The following IGSF11 variants were observed in gnomAD, a reference collection of about 807,000 sequenced individuals.
IGSF11 encodes the protein CXADR like 1.
A neutral mutation model predicts 41.0 loss-of-function variants in IGSF11; 22 were observed. The observed-to-expected ratio is 0.54, with a 90% CI of 0.38 to 0.77. The LOEUF (loss-of-function observed/expected upper bound fraction) is 0.77, where lower values mean the gene tolerates loss of function less well. Ranked by LOEUF, IGSF11 falls within the 30% of genes least tolerant of loss-of-function variation. The probability of loss-of-function intolerance (pLI) is 0.00; values close to 1 mark genes in which losing one functional copy is unlikely to be tolerated. For synonymous variants in IGSF11, 219 were observed against 201.3 expected, an observed-to-expected ratio of 1.09 and a Z score of -0.74; for missense variants, 444 against 530.8, an observed-to-expected ratio of 0.84 and a Z score of 1.61.
rs187176842 is a variant in IGSF11 at position 119,034,549 on chromosome 3, G to A, written c.34C>T (p.Leu12=). ...TSQRSPLAPL[L]LLSLHGVAAS... ...TACTCACCGTGCAGAGAGAGGAGCA[G>A]CAAAGGCGCCAGAGGGGAACGCTGA... is the stretch of plus-strand genomic sequence containing the variant. Residue 12 remains leucine (L), a synonymous_variant, in exon 1 of 7, where the codon CTG becomes TTG. Coordinates refer to ENST00000393775, the MANE Select transcript of IGSF11 (RefSeq NM_001015887.3). 3.8e-6 allele frequency: 6 copies of A among 1,593,216 alleles called. No individual in the cohort carries two copies. The highest frequency in any genetic ancestry group is 3.5e-4 in the Middle Eastern group (2 of 5,640).
At chr3:119,106,543 T>G (rs975974677), upstream of IGSF11, among the ~76,000 whole-genome samples, 2 of 152,212 alleles carry the variant, frequency 1.3e-5, no homozygotes, top group African/African-American at 2.4e-5. Flanking sequence ...ACTTCATTCT[T>G]TTTTATGGCT....
intron 1 of IGSF11, among the ~76,000 whole-genome samples, chr3:118,942,298 C>A (rs781619833): frequency 6.6e-6 from 1 of 152,142 alleles, no homozygotes; most frequent in Non-Finnish European, 1.5e-5. Flanking sequence ...TCCCTGTCAC[C>A]AAACCCCAAA....
intron 1 of IGSF11, among the ~76,000 whole-genome samples, chr3:119,041,437 C>G (rs7644949): frequency 0.17 from 26,011 of 151,924 alleles, 2,671 homozygotes; most frequent in South Asian, 0.29. Flanking sequence ...CAAAAATTAG[C>G]CAGATGTGGT....
At chr3:119,121,188 A>T (rs1237193335) in intron 1 of IGSF11, among the ~76,000 whole-genome samples, 1 of 152,220 alleles carries the variant, frequency 6.6e-6, no homozygotes, top group African/African-American at 2.4e-5. Context: ...TATCACATGT[A>T]CATTGAAAAA....
chr3:118,932,426 G>T (rs1942936081), intron 1 of IGSF11, among the ~76,000 whole-genome samples: 1 of 152,196 alleles, frequency 6.6e-6, no homozygotes, highest in Non-Finnish European at 1.5e-5. Flanking sequence ...AGAACGTCAT[G>T]TTCTTCACGT....
chr3:119,138,160 A>C (rs1207920321), intron 1 of IGSF11, among the ~76,000 whole-genome samples: 1 of 1,008 alleles, frequency 9.9e-4, no homozygotes, highest in South Asian at 0.1. Context: ...TTCCTCAACA[A>C]AAAAAAAAAA....
intron 1 of IGSF11, among the ~76,000 whole-genome samples, chr3:119,021,120 A>G (rs1332940601): frequency 6.6e-6 from 1 of 152,224 alleles, no homozygotes; most frequent in Non-Finnish European, 1.5e-5. Flanking sequence ...TGACCTCCCA[A>G]AAACCATCTT....
intron 4 of IGSF11, among the ~76,000 whole-genome samples, chr3:118,920,835 T>G (rs1251415346): frequency 1.3e-5 from 2 of 152,178 alleles, no homozygotes; most frequent in African/African-American, 4.8e-5. Context: ...ACAATTATAA[T>G]GCTTCCTATG....
In IGSF11 at chr3:118,965,346, T is replaced by C. The variant is rs755565941; in HGVS notation, c.53-35071A>G. On this transcript the variant is annotated intron_variant, in intron 1 of 6. Transcript: ENST00000393775. ...CTAAATGTGTGAGCTATAAGGAGTA[T>C]AAAAAATAAAGGGAGGGAAAAGTAA... 3.3e-5 allele frequency among the ~76,000 whole-genome samples: 5 copies of C among 151,808 alleles called. No individual in the cohort carries two copies. The South Asian group carries it at 6.2e-4, about 19-fold the overall frequency.
chr3:119,019,311 A>G (rs973859497), intron 1 of IGSF11, among the ~76,000 whole-genome samples: 1 of 150,836 alleles, frequency 6.6e-6, no homozygotes, highest in Non-Finnish European at 1.5e-5. Context: ...GCATATGCAA[A>G]GAAACAGAGT....
At chr3:119,120,143 A>G (rs1159138809) in intron 1 of IGSF11, among the ~76,000 whole-genome samples, 2 of 152,224 alleles carry the variant, frequency 1.3e-5, no homozygotes, top group Non-Finnish European at 2.9e-5. Flanking sequence ...GATATCTCAC[A>G]CAGAACCCTT....
At chr3:119,094,224 A>T (rs532002624) in intron 1 of IGSF11, among the ~76,000 whole-genome samples, 19 of 18,874 alleles carry the variant, frequency 1.0e-3, no homozygotes, top group Non-Finnish European at 1.8e-3. Context: ...ATAGCGAAGT[A>T]AAAAAAAAAA....
chr3:119,006,160 TTTC>T (rs1576621729), intron 1 of IGSF11, among the ~76,000 whole-genome samples: 1 of 124,650 alleles, frequency 8.0e-6, no homozygotes, highest in Admixed American at 8.0e-5. Context: ...GCTTTGCTCG[TTTC>T]TTTTTATTCT....
At chr3:119,100,050 A>G (rs759079539) in intron 1 of IGSF11, among the ~76,000 whole-genome samples, 1 of 152,194 alleles carries the variant, frequency 6.6e-6, no homozygotes, top group Admixed American at 6.5e-5. Context: ...TCATTATGCT[A>G]CTCAGAGCTT....
chr3:119,050,389 G>C (rs961534647), intron 1 of IGSF11, among the ~76,000 whole-genome samples: 2 of 152,190 alleles, frequency 1.3e-5, no homozygotes, highest in African/African-American at 4.8e-5. Flanking sequence ...AAAAACACAT[G>C]AAAAAATGCT....
At chr3:119,094,552 A>G (rs1168486593) in intron 1 of IGSF11, among the ~76,000 whole-genome samples, 1 of 152,132 alleles carries the variant, frequency 6.6e-6, no homozygotes, top group Non-Finnish European at 1.5e-5. Flanking sequence ...AGGGTGGAAC[A>G]AAGAGAGAAA....
chr3:118,917,472 C>T (rs1297929510), intron 4 of IGSF11, among the ~76,000 whole-genome samples: 29 of 144,772 alleles, frequency 2.0e-4, no homozygotes, highest in African/African-American at 7.5e-4. Context: ...GAGAATACTA[C>T]AAACACCTCT....
intron 1 of IGSF11, among the ~76,000 whole-genome samples, chr3:119,103,766 GCTT>G (rs986537388): frequency 2.0e-5 from 3 of 151,742 alleles, no homozygotes; most frequent in Admixed American, 2.0e-4. Flanking sequence ...TACCAATCCT[GCTT>G]CTTACTAGTA....
At chr3:118,928,790 G>A in intron 2 of IGSF11, 74 bp from the exon 3 acceptor site, 1 of 1,068,340 alleles carries the variant, frequency 9.4e-7, no homozygotes, top group Non-Finnish European at 1.4e-6. Flanking sequence ...CTATTTGGTA[G>A]ACAGTACCAA....
Sources: allele counts gnomAD v4.1 joint callset (sites outside exome capture counted in the v4.1 genomes callset), GRCh38; gene constraint gnomAD v4.1.1; transcripts MANE v1.5; gene names NCBI Gene and HGNC (gene_info 2026-07-23, HGNC 2026-07-21).